The following DIAPH3 variants were observed in gnomAD, a reference collection of about 807,000 sequenced individuals.
DIAPH3 encodes the protein diaphanous related formin 3, also known as protein diaphanous homolog 3.
Under a neutral mutation model 144.3 loss-of-function variants are expected in DIAPH3, and 117 were observed. That is an observed-to-expected ratio of 0.81 (90% confidence interval 0.70 to 0.95). The LOEUF is 0.95. Ranked by LOEUF, DIAPH3 falls within the 40% of genes least tolerant of loss-of-function variation. The pLI is 0.00. For missense variants in DIAPH3, 1,421 were observed against 1,412.7 expected (o/e 1.01, Z -0.09); for synonymous variants, 519 against 488.9 (o/e 1.06, Z -0.81).
chr13:60,019,338 T>C (rs1212509541), intron 5 of DIAPH3, among the ~76,000 whole-genome samples: 1 of 152,174 alleles, frequency 6.6e-6, no homozygotes, highest in African/African-American at 2.4e-5. Context: ...ATAAACTGCA[T>C]TCATGGATAA....
At chr13:59,829,093 G>A (rs1163616532) in intron 24 of DIAPH3, among the ~76,000 whole-genome samples, 1 of 151,926 alleles carries the variant, frequency 6.6e-6, no homozygotes, top group East Asian at 1.9e-4. Context: ...AACTCGAAGG[G>A]CTGTATCTAT....
intron 27 of DIAPH3, among the ~76,000 whole-genome samples, chr13:59,756,232 A>G (rs1005063575): frequency 6.6e-6 from 1 of 152,198 alleles, no homozygotes; most frequent in African/African-American, 2.4e-5. Flanking sequence ...TTCTTATAGC[A>G]TCTGTTTTCT....
intron 27 of DIAPH3, among the ~76,000 whole-genome samples, chr13:59,741,011 T>C (rs145054147): frequency 6.6e-6 from 1 of 152,300 alleles, no homozygotes; most frequent in African/African-American, 2.4e-5. Context: ...CCTGGAATTG[T>C]AGGAAACCAA....
chr13:59,763,285 T>A (rs966006801), intron 27 of DIAPH3, among the ~76,000 whole-genome samples: 1 of 137,552 alleles, frequency 7.3e-6, no homozygotes, highest in African/African-American at 2.9e-5. Context: ...TATACATATA[T>A]TCACATATAT....
intron 27 of DIAPH3, 60 bp from the exon 28 acceptor site, chr13:59,666,906 G>A (rs1409281903): frequency 1.5e-5 from 24 of 1,573,994 alleles, no homozygotes; most frequent in Middle Eastern, 1.7e-4. Context: ...GACTGTGCAC[G>A]TTATGAAACA....
At chr13:59,703,337 C>A (rs899830945) in intron 27 of DIAPH3, among the ~76,000 whole-genome samples, 5 of 152,320 alleles carry the variant, frequency 3.3e-5, no homozygotes, top group Middle Eastern at 3.4e-3. Flanking sequence ...AAATTAACTT[C>A]ATCTGTTTAA....
At chr13:59,819,842 T>C (rs1389346474) in intron 24 of DIAPH3, among the ~76,000 whole-genome samples, 1 of 151,800 alleles carries the variant, frequency 6.6e-6, no homozygotes, top group East Asian at 1.9e-4. Context: ...ATTGAAATCA[T>C]ATTGTTTGGT....
At chr13:59,795,571 A>G (rs1726656214) in intron 25 of DIAPH3, among the ~76,000 whole-genome samples, 1 of 150,476 alleles carries the variant, frequency 6.6e-6, no homozygotes, top group African/African-American at 2.5e-5. Flanking sequence ...CTCCTGCCTC[A>G]GCCTCCTGAG....
At chr13:60,013,030 T>C in intron 7 of DIAPH3, 3 of 985,458 alleles carry the variant, frequency 3.0e-6, no homozygotes, top group Non-Finnish European at 1.2e-6. Flanking sequence ...TGACTCTGTG[T>C]GAGAAGTTGT....
intron 5 of DIAPH3, among the ~76,000 whole-genome samples, chr13:60,031,081 T>A (rs562860914): frequency 6.6e-6 from 1 of 152,324 alleles, no homozygotes; most frequent in South Asian, 2.1e-4. Flanking sequence ...GTTAATTGGC[T>A]CGCAGTTCTG....
chr13:59,763,067 T>TA, intron 27 of DIAPH3, among the ~76,000 whole-genome samples: 1 of 152,104 alleles, frequency 6.6e-6, no homozygotes, highest in South Asian at 2.1e-4. Flanking sequence ...TGTAATCTGT[T>TA]AAAACAGCAA....
At chr13:60,126,143 A>G (rs1328594638) in intron 2 of DIAPH3, among the ~76,000 whole-genome samples, 1 of 152,210 alleles carries the variant, frequency 6.6e-6, no homozygotes, top group African/African-American at 2.4e-5. Context: ...AACACTACAT[A>G]CCGAGGGAAA....
chr13:59,883,784 T>C (rs1031268338), intron 20 of DIAPH3, among the ~76,000 whole-genome samples: 1 of 107,060 alleles, frequency 9.3e-6, no homozygotes, highest in South Asian at 3.0e-4. Flanking sequence ...CTTCCTCTGC[T>C]ATGTTTTCTA....
Position 60,139,249 on chromosome 13 carries a change from G to A in DIAPH3, c.181-6260C>T, listed in dbSNP as rs191324510. ...TCATAGCACTGAGGACAAGAGTAGA[G>A]CTGGCTCTTTGATACTACAAAGAAA... is the stretch of plus-strand genomic sequence containing the variant. On this transcript the variant is annotated intron_variant, in intron 1 of 27. Coordinates refer to ENST00000400324, the MANE Select transcript of DIAPH3 (RefSeq NM_001042517.2). Among the ~76,000 whole-genome samples, 86 of 152,268 alleles carry A rather than the reference G, an allele frequency of 5.6e-4. 1 individual carries two copies. Among genetic ancestry groups the A allele is most frequent in the Non-Finnish European group, 7.2e-4 (49 of 68,002 alleles).
chr13:59,749,235 G>A (rs1406869063), intron 27 of DIAPH3, among the ~76,000 whole-genome samples: 97 of 78,348 alleles, frequency 1.2e-3, no homozygotes, highest in Non-Finnish European at 1.7e-3. Flanking sequence ...AAAAAAAAAA[G>A]TACGGCCGGG....
chr13:60,055,947 T>C (rs765092557), intron 4 of DIAPH3, among the ~76,000 whole-genome samples: 2 of 151,732 alleles, frequency 1.3e-5, no homozygotes, highest in Admixed American at 6.6e-5. Context: ...ATAGTCCTCC[T>C]TGTATAGTTC....
At chr13:59,816,327 T>C (rs1467210110) in intron 24 of DIAPH3, among the ~76,000 whole-genome samples, 3 of 152,112 alleles carry the variant, frequency 2.0e-5, no homozygotes, top group East Asian at 3.9e-4. Context: ...TCAAAATTAG[T>C]TATAGAACTA....
chr13:59,678,833 T>C (rs1370664696), intron 27 of DIAPH3, among the ~76,000 whole-genome samples: 1 of 152,212 alleles, frequency 6.6e-6, no homozygotes, highest in Non-Finnish European at 1.5e-5. Flanking sequence ...TATTAACAAG[T>C]ATGACATGAG....
intron 20 of DIAPH3, among the ~76,000 whole-genome samples, chr13:59,894,627 G>A (rs1310959097): frequency 1.5e-5 from 2 of 129,554 alleles, no homozygotes; most frequent in Non-Finnish European, 3.1e-5. Context: ...AGACAATTGA[G>A]CAGTAAAGAA....
Sources: allele counts gnomAD v4.1 joint callset (sites outside exome capture counted in the v4.1 genomes callset), GRCh38; gene constraint gnomAD v4.1.1; transcripts MANE v1.5; gene names NCBI Gene and HGNC (gene_info 2026-07-23, HGNC 2026-07-21).